The following PPP2R2D variants were observed in gnomAD, a reference collection of about 807,000 sequenced individuals.
The protein encoded by PPP2R2D is serine/threonine-protein phosphatase 2A 55 kDa regulatory subunit B delta isoform.
In PPP2R2D, 9 loss-of-function variants were observed where a neutral mutation model predicts 31.1. That is an observed-to-expected ratio of 0.29 (90% CI 0.17 to 0.51). PPP2R2D has a LOEUF of 0.51. PPP2R2D is among the 20% of genes least tolerant of loss of function. The pLI is 0.98. For synonymous variants in PPP2R2D, 179 were observed against 172.6 expected (o/e 1.04, Z -0.29); for missense variants, 391 against 465.6 (o/e 0.84, Z 1.48).
At chr10:131,970,390 T>C in the PPP2R2D span, 1 of 569,836 alleles carries the variant, frequency 1.8e-6, no homozygotes, top group Non-Finnish European at 3.1e-6. The surrounding 1 kb of genome is among the most constrained non-coding windows in gnomAD (Gnocchi z 4.1). Flanking sequence ...ACTCCGTTTA[T>C]ATTCAGTGAG....
intron 8 of PPP2R2D, among the ~76,000 whole-genome samples, chr10:131,952,410 C>T (rs1171074698): frequency 2.7e-4 from 10 of 37,284 alleles, no homozygotes; most frequent in Admixed American, 2.2e-3. Flanking sequence ...TAGTGACTTG[C>T]GGGTGTGCGG....
chr10:131,936,306 G>A (rs1467712551), intron 3 of PPP2R2D, among the ~76,000 whole-genome samples: 3 of 144,520 alleles, frequency 2.1e-5, no homozygotes, highest in East Asian at 2.1e-4. Context: ...GCACCACCAC[G>A]ACCAGCTAAT....
intron 5 of PPP2R2D, among the ~76,000 whole-genome samples, chr10:131,941,303 G>A (rs10870271): frequency 0.28 from 42,459 of 152,062 alleles, 6,042 homozygotes; most frequent in East Asian, 0.45. Flanking sequence ...TTATGAAACC[G>A]GCTAAAACTC....
intron 2 of PPP2R2D, among the ~76,000 whole-genome samples, chr10:131,921,354 G>A (rs1350948892): frequency 1.3e-5 from 2 of 152,154 alleles, no homozygotes; most frequent in Admixed American, 6.5e-5. Context: ...GCTGCCCCAC[G>A]CACCCAGGGT....
At chr10:131,969,326 C>T in the PPP2R2D span, 2 of 152,246 alleles carry the variant, frequency 1.3e-5, no homozygotes, top group African/African-American at 4.8e-5. Context: ...CATCCTGAAA[C>T]GAAGGGCTTA....
the PPP2R2D span, chr10:131,968,620 CTG>C: frequency 6.0e-6 from 9 of 1,501,372 alleles, no homozygotes; most frequent in South Asian, 1.1e-5. Flanking sequence ...TCACAGGAGA[CTG>C]TGTTACAGCT....
At chr10:131,964,675 T>G (rs540735358), downstream of PPP2R2D, among the ~76,000 whole-genome samples, 93 of 151,552 alleles carry the variant, frequency 6.1e-4, 1 homozygote, top group African/African-American at 2.3e-3. Flanking sequence ...TGTTTTTTTT[T>G]TTTTTTTTTT....
At chr10:131,930,100 G>A (rs1234510148) in intron 2 of PPP2R2D, among the ~76,000 whole-genome samples, 5 of 152,176 alleles carry the variant, frequency 3.3e-5, no homozygotes, top group Non-Finnish European at 7.3e-5. Context: ...ATAGTATTCC[G>A]TTAACAGGTA....
intron 2 of PPP2R2D, among the ~76,000 whole-genome samples, chr10:131,905,318 C>T (rs1419625438): frequency 1.3e-5 from 2 of 152,182 alleles, no homozygotes; most frequent in Non-Finnish European, 2.9e-5. Context: ...CGGTTCTAAA[C>T]GGTGGCTCCT....
At chr10:131,920,022 G>T (rs1201994593) in intron 2 of PPP2R2D, among the ~76,000 whole-genome samples, 1 of 151,076 alleles carries the variant, frequency 6.6e-6, no homozygotes, top group Non-Finnish European at 1.5e-5. Flanking sequence ...ACCTCAGTCG[G>T]GTGGGATGAC....
intron 2 of PPP2R2D, among the ~76,000 whole-genome samples, chr10:131,930,603 T>C (rs2036203319): frequency 6.6e-6 from 1 of 152,264 alleles, no homozygotes; most frequent in Non-Finnish European, 1.5e-5. Flanking sequence ...TAGTTTGAGG[T>C]TTCATCCACC....
In PPP2R2D at chr10:131,959,340, G is replaced by C. The variant is rs1554901023; in HGVS notation, c.*3377G>C. 6.6e-6 allele frequency: 1 copy of C among 152,292 alleles called. No individual in the cohort carries two copies. The highest frequency in any genetic ancestry group is 2.1e-4 in the East Asian group (1 of 4,786). The allele number at this position is 152,292 out of a possible 1,614,324, so 9.4% of individuals were successfully genotyped here. ...CATCCCCCTGTGGAGATGAAGGCGT[G>C]TGCTCATCCCCCATCCCCCTGTGGA... On this transcript the variant is annotated 3_prime_UTR_variant, in exon 9 of 9. Transcript: ENST00000455566.
At chr10:131,904,815 GAGT>G (rs2035556776) in intron 2 of PPP2R2D, among the ~76,000 whole-genome samples, 1 of 152,194 alleles carries the variant, frequency 6.6e-6, no homozygotes, top group Non-Finnish European at 1.5e-5. Flanking sequence ...GCAGGGCTAG[GAGT>G]AGGCACTCCT....
intron 2 of PPP2R2D, among the ~76,000 whole-genome samples, chr10:131,909,895 T>G (rs2035655653): frequency 6.6e-6 from 1 of 152,208 alleles, no homozygotes; most frequent in African/African-American, 2.4e-5. Flanking sequence ...AGAAACAACT[T>G]TTCAAAAACA....
rs530351280 is a variant in PPP2R2D at position 131,925,024 on chromosome 10, TG to T, written c.101-9433del. On this transcript the variant is annotated intron_variant, in intron 2 of 8. Coordinates refer to ENST00000455566, the MANE Select transcript of PPP2R2D (RefSeq NM_018461.5). ...TTGCATCCTGTGTCCTTGCTGAACC[TG>T]TTTATTATCTCTGATAGGTTTTGTG... 1.8e-4 allele frequency among the ~76,000 whole-genome samples: 28 copies of T among 152,320 alleles called. 1 individual carries two copies. The South Asian group carries it at 5.6e-3, about 30-fold the overall frequency.
chr10:131,917,066 A>G (rs1554893243), intron 2 of PPP2R2D, among the ~76,000 whole-genome samples: 1 of 144,634 alleles, frequency 6.9e-6, no homozygotes, highest in Admixed American at 6.9e-5. Flanking sequence ...GGCGGGTGGA[A>G]TGACACAGTG....
chr10:131,910,634 A>G (rs1456066257), intron 2 of PPP2R2D, among the ~76,000 whole-genome samples: 2 of 152,210 alleles, frequency 1.3e-5, no homozygotes, highest in African/African-American at 4.8e-5. Context: ...CTTGTGTGAT[A>G]CTGTGGAATA....
rs1400645628 is a variant in PPP2R2D, at chr10:131,948,078, T to A, written c.1082+287T>A. Among the ~76,000 whole-genome samples, 3 of 152,224 alleles carry A rather than the reference T, an allele frequency of 2.0e-5. No homozygotes were observed. In the East Asian group the frequency reaches 5.8e-4, roughly 29 times the overall value. On this transcript the variant is annotated intron_variant, in intron 8 of 8. Coordinates refer to ENST00000455566, the MANE Select transcript of PPP2R2D (RefSeq NM_018461.5). ...CTTAGTGAATGATAGTGTATTACTT[T>A]TTATTATGCTGATAATGAGTGAAAA...
chr10:131,970,841 C>G, the PPP2R2D span: 1 of 1,614,226 alleles, frequency 6.2e-7, no homozygotes, highest in South Asian at 1.1e-5. This position sits in a 1 kb window ranked among gnomAD's most constrained non-coding sequence, Gnocchi z 4.1. Flanking sequence ...GGGGTGCCCC[C>G]GTGACACTGA....
Sources: allele counts gnomAD v4.1 joint callset (sites outside exome capture counted in the v4.1 genomes callset), GRCh38; gene constraint gnomAD v4.1.1; non-coding constraint Gnocchi (gnomAD v3.1); transcripts MANE v1.5; gene names NCBI Gene and HGNC (gene_info 2026-07-23, HGNC 2026-07-21).